Variants in RCAN2 observed in about 807,000 individuals in gnomAD.
RCAN2 encodes the protein regulator of calcineurin 2, also known as calcipressin-2.
A neutral mutation model predicts 23.6 loss-of-function variants in RCAN2; 9 were observed. The observed-to-expected ratio is 0.38, with a 90% CI of 0.23 to 0.67. The LOEUF (loss-of-function observed/expected upper bound fraction) is 0.67, where lower values mean the gene tolerates loss of function less well. Ranked by LOEUF, RCAN2 falls within the 30% of genes least tolerant of loss-of-function variation. RCAN2 has a pLI of 0.51. For synonymous variants in RCAN2, 109 were observed against 115.7 expected, an observed-to-expected ratio of 0.94 and a Z score of 0.37; for missense variants, 273 against 302.3, an observed-to-expected ratio of 0.90 and a Z score of 0.72.
At chr6:46,454,059 A>G (rs1767954923) in intron 2 of RCAN2, among the ~76,000 whole-genome samples, 1 of 152,160 alleles carries the variant, frequency 6.6e-6, no homozygotes, top group South Asian at 2.1e-4. Flanking sequence ...AGGCCAATAC[A>G]AGGAGTGCTG....
intron 2 of RCAN2, among the ~76,000 whole-genome samples, chr6:46,423,536 T>TAC (rs1347123772): frequency 1.3e-5 from 2 of 152,202 alleles, no homozygotes; most frequent in Non-Finnish European, 2.9e-5. Context: ...AGCTCGAGAA[T>TAC]ACTGACCCTT....
intron 2 of RCAN2, among the ~76,000 whole-genome samples, chr6:46,439,617 T>G (rs1767471798): frequency 6.6e-6 from 1 of 152,176 alleles, no homozygotes; most frequent in Non-Finnish European, 1.5e-5. Flanking sequence ...CACACTTACT[T>G]AGATATGTAA....
chr6:46,253,491 C>T (rs1766801509), intron 2 of RCAN2, among the ~76,000 whole-genome samples: 1 of 152,154 alleles, frequency 6.6e-6, no homozygotes, highest in South Asian at 2.1e-4. Flanking sequence ...TCCAGTCAAA[C>T]ATTGTATTTC....
At chr6:46,278,740 T>C (rs1767798526) in intron 2 of RCAN2, among the ~76,000 whole-genome samples, 2 of 152,242 alleles carry the variant, frequency 1.3e-5, no homozygotes, top group Admixed American at 6.5e-5. Context: ...AGGTATTTTG[T>C]ACAATGTCCC....
intron 2 of RCAN2, among the ~76,000 whole-genome samples, chr6:46,391,919 G>A (rs1373521234): frequency 2.0e-5 from 3 of 152,112 alleles, no homozygotes; most frequent in African/African-American, 7.2e-5. Context: ...GAATGAACAA[G>A]AGAAAAATCA....
At chr6:46,314,511 A>G (rs1409326268) in intron 2 of RCAN2, among the ~76,000 whole-genome samples, 1 of 151,980 alleles carries the variant, frequency 6.6e-6, no homozygotes, top group Middle Eastern at 3.4e-3. Context: ...CCTAAGCAAA[A>G]AAACAAAAAA....
At chr6:46,409,868 T>G (rs748286470) in intron 2 of RCAN2, among the ~76,000 whole-genome samples, 3 of 152,204 alleles carry the variant, frequency 2.0e-5, no homozygotes, top group Non-Finnish European at 2.9e-5. Context: ...TATTTCTTAT[T>G]ATGCCTGTGA....
intron 1 of RCAN2, among the ~76,000 whole-genome samples, chr6:46,483,065 G>A (rs566308138): frequency 2.6e-5 from 4 of 152,238 alleles, no homozygotes; most frequent in Admixed American, 2.0e-4. Flanking sequence ...AGGGGAAACC[G>A]CTCACCTAGA....
At chr6:46,400,531 G>A (rs899124901) in intron 2 of RCAN2, among the ~76,000 whole-genome samples, 4 of 152,194 alleles carry the variant, frequency 2.6e-5, no homozygotes, top group African/African-American at 9.7e-5. Context: ...ACTAGAGAAA[G>A]TAGTGAATAC....
chr6:46,358,269 A>G lies in RCAN2; in HGVS notation c.225+98483T>C, dbSNP rs550574903. On this transcript the variant is annotated intron_variant, in intron 2 of 4. Transcript: ENST00000371374. The stretch of plus-strand genomic sequence containing the variant: ...AAACAGAATTTATCAAATCAATGAA[A>G]AATACACTCCAGTAATGATCATGCT... Among the ~76,000 whole-genome samples, 44 of 152,304 alleles carry G rather than the reference A, an allele frequency of 2.9e-4. 1 individual carries two copies. The South Asian group carries it at 7.9e-3, about 27-fold the overall frequency.
chr6:46,410,469 A>G (rs1766516622), intron 2 of RCAN2, among the ~76,000 whole-genome samples: 1 of 152,212 alleles, frequency 6.6e-6, no homozygotes, highest in Admixed American at 6.5e-5. Flanking sequence ...GGTAACCAGG[A>G]TTGGTGAGAA....
chr6:46,465,454 C>G (rs1227780308), intron 1 of RCAN2, among the ~76,000 whole-genome samples: 1 of 152,110 alleles, frequency 6.6e-6, no homozygotes, highest in Non-Finnish European at 1.5e-5. Context: ...AAAACCACAA[C>G]AGATAGTACA....
chr6:46,433,426 C>G (rs540711935), intron 2 of RCAN2, among the ~76,000 whole-genome samples: 1 of 152,070 alleles, frequency 6.6e-6, no homozygotes. Context: ...ACTGCAGATG[C>G]GATTACATTA....
At chr6:46,325,820 A>T in intron 2 of RCAN2, 2 of 1,042,684 alleles carry the variant, frequency 1.9e-6, no homozygotes, top group Non-Finnish European at 1.2e-6. Flanking sequence ...CTCAGACTAA[A>T]TCAATTCAAG....
intron 2 of RCAN2, among the ~76,000 whole-genome samples, chr6:46,349,501 A>G (rs1764583018): frequency 6.6e-6 from 1 of 152,088 alleles, no homozygotes. Context: ...TAGGTGCAGC[A>G]AACCACCATT....
intron 2 of RCAN2, among the ~76,000 whole-genome samples, chr6:46,336,282 A>C (rs1764140249): frequency 6.6e-6 from 1 of 152,216 alleles, no homozygotes; most frequent in Non-Finnish European, 1.5e-5. Context: ...GTAGAAATAT[A>C]AGAGAACTCA....
At chr6:46,340,019 C>G (rs1399844292) in intron 2 of RCAN2, among the ~76,000 whole-genome samples, 10 of 152,054 alleles carry the variant, frequency 6.6e-5, no homozygotes, top group Non-Finnish European at 1.5e-4. Context: ...TATCCTCAGC[C>G]CTTAGCACAT....
chr6:46,297,174 G>A (rs568638699), intron 2 of RCAN2, among the ~76,000 whole-genome samples: 89 of 152,146 alleles, frequency 5.8e-4, no homozygotes, highest in African/African-American at 1.9e-3. Flanking sequence ...TATTTTCACT[G>A]CAGCAGGTAC....
At chr6:46,242,434 G>T (rs368186103) in intron 4 of RCAN2, among the ~76,000 whole-genome samples, 1 of 152,258 alleles carries the variant, frequency 6.6e-6, no homozygotes, top group East Asian at 1.9e-4. Context: ...ATCTCACTCT[G>T]GATCCCTGCT....
Sources: allele counts gnomAD v4.1 joint callset (sites outside exome capture counted in the v4.1 genomes callset), GRCh38; gene constraint gnomAD v4.1.1; transcripts MANE v1.5; gene names NCBI Gene and HGNC (gene_info 2026-07-23, HGNC 2026-07-21).